The following PERP variants were observed in gnomAD, a reference collection of about 807,000 sequenced individuals.
PERP encodes the protein p53 apoptosis effector related to PMP-22.
A neutral mutation model predicts 20.3 loss-of-function variants in PERP; 11 were observed. The ratio of observed to expected loss-of-function variants is 0.54; its 90% confidence interval spans 0.34 to 0.90. The LOEUF (loss-of-function observed/expected upper bound fraction) is 0.90, where lower values mean the gene tolerates loss of function less well. Among genes scored for constraint, PERP ranks in the 40% least tolerant of loss-of-function variants. The pLI is 0.02. For missense variants in PERP, 224 were observed against 249.4 expected, an observed-to-expected ratio of 0.90 and a Z score of 0.69; for synonymous variants, 101 against 102.0, an observed-to-expected ratio of 0.99 and a Z score of 0.06.
intron 2 of PERP, 33 bp downstream of exon 2, chr6:138,096,321 C>T (rs1256986736): frequency 1.2e-6 from 2 of 1,610,972 alleles, no homozygotes; most frequent in Admixed American, 1.7e-5. Context: ...CCACTGAAGG[C>T]ATAAATGAAG....
intron 1 of PERP, among the ~76,000 whole-genome samples, chr6:138,098,566 G>C (rs375311678): frequency 2.6e-5 from 4 of 151,948 alleles, no homozygotes; most frequent in East Asian, 3.9e-4. Context: ...TTCTACATTC[G>C]CAAGGTTCTG....
At chr6:138,097,861 G>A (rs764938316) in intron 1 of PERP, among the ~76,000 whole-genome samples, 17 of 151,852 alleles carry the variant, frequency 1.1e-4, no homozygotes, top group East Asian at 5.8e-4. Context: ...TATTTTTATC[G>A]CCCCGCAAAG....
At chr6:138,100,139 C>T (rs1775749853) in intron 1 of PERP, among the ~76,000 whole-genome samples, 1 of 152,172 alleles carries the variant, frequency 6.6e-6, no homozygotes, top group Admixed American at 6.5e-5. Flanking sequence ...CCATTTAGAC[C>T]ATACCAGGTC....
intron 1 of PERP, among the ~76,000 whole-genome samples, chr6:138,103,991 TC>T (rs1775809944): frequency 6.6e-6 from 1 of 152,202 alleles, no homozygotes; most frequent in Non-Finnish European, 1.5e-5. Context: ...CAGTTTGGAT[TC>T]AAGGCAAATG....
intron 2 of PERP, among the ~76,000 whole-genome samples, chr6:138,094,299 C>T (rs919148938): frequency 6.6e-6 from 1 of 151,956 alleles, no homozygotes; most frequent in African/African-American, 2.4e-5. Flanking sequence ...CCCCATTCTT[C>T]CCTCCCCCCA....
intron 1 of PERP, among the ~76,000 whole-genome samples, chr6:138,104,941 A>T (rs1003392961): frequency 3.3e-5 from 5 of 150,842 alleles, no homozygotes; most frequent in Non-Finnish European, 7.3e-5. Context: ...GTCGTTATAC[A>T]CAGCTTCTAC....
intron 1 of PERP, among the ~76,000 whole-genome samples, chr6:138,102,387 C>G (rs992219202): frequency 1.3e-5 from 2 of 152,192 alleles, no homozygotes; most frequent in African/African-American, 4.8e-5. Context: ...AGGAATTACA[C>G]AGCTCTGTCA....
At position 138,092,103 on chromosome 6, in the gene PERP, G is replaced by A. The variant is rs75183345; in HGVS notation, c.521C>T (p.Pro174Leu). ...GCCCAGAAGGTCATCTTCGTAGTTG[G>A]GGAGGCAGCAGAAGAAGAAGGCACA... ...IGCAFFFCCL[P>L]NYEDDLLGNA... is the part of the protein sequence containing the mutation. The change falls in exon 3 of 3, where the codon CCC (proline) becomes CTC (leucine). Residue 174 changes from proline to leucine, a missense_variant. Transcript: ENST00000421351. The A allele has an allele frequency of 8.1e-4, 1,307 of 1,614,110 alleles. 15 individuals carry two copies. The East Asian group carries it at 0.023, about 28-fold the overall frequency.
At chr6:138,106,199 G>A (rs1775838329) in intron 1 of PERP, among the ~76,000 whole-genome samples, 1 of 152,156 alleles carries the variant, frequency 6.6e-6, no homozygotes, top group Non-Finnish European at 1.5e-5. Flanking sequence ...TTGGCTTTAA[G>A]GTTTTATTAG....
At chr6:138,105,099 G>A (rs1234520096) in intron 1 of PERP, among the ~76,000 whole-genome samples, 1 of 152,194 alleles carries the variant, frequency 6.6e-6, no homozygotes, top group East Asian at 1.9e-4. Context: ...GCGGATCCCA[G>A]ATTCATGATT....
intron 2 of PERP, 65 bp downstream of exon 2, chr6:138,096,289 T>G: frequency 1.3e-6 from 2 of 1,568,470 alleles, no homozygotes; most frequent in Non-Finnish European, 1.7e-6. Context: ...CTTTGTGGAA[T>G]TGACCATTAC....
Position 138,107,383 on chromosome 6 carries a change from G to A in PERP, c.-43C>T, listed in dbSNP as rs750054571. 8 of 1,429,614 alleles carry A rather than the reference G, an allele frequency of 5.6e-6. No homozygotes were observed. Among genetic ancestry groups the A allele is most frequent in the African/African-American group, 4.5e-5 (3 of 66,632 alleles). 88.6% of individuals were successfully genotyped at this position (1,429,614 alleles called of 1,614,324 possible). On this transcript the variant is annotated 5_prime_UTR_variant, in exon 1 of 3. Coordinates refer to ENST00000421351, the MANE Select transcript of PERP (RefSeq NM_022121.5). The surrounding 1 kb of genome is among the most constrained non-coding windows in gnomAD (Gnocchi z 4.8). ...GGCCGAGCGGAGCGGAGCGGAGCGG[G>A]TCGGAGGAGCGCGCGGGACGGGCGA...
intron 1 of PERP, among the ~76,000 whole-genome samples, chr6:138,099,436 G>T (rs1556639): frequency 6.6e-6 from 1 of 151,796 alleles, no homozygotes; most frequent in African/African-American, 2.4e-5. Flanking sequence ...TATGAGTTCA[G>T]AAGTTTGAAA....
In PERP at chr6:138,088,939, TA is replaced by T. The variant is rs1775535207; in HGVS notation, c.*3102del. The T allele has an allele frequency of 2.0e-5, 3 of 152,222 alleles. No homozygotes were observed. Among genetic ancestry groups the T allele is most frequent in the Admixed American group, 2.0e-4 (3 of 15,282 alleles). 9.4% of individuals were successfully genotyped at this position (152,222 alleles called of 1,614,324 possible). A position where few individuals can be genotyped will look rare whatever the true frequency, so the allele number is the denominator to read the frequency against. Reference sequence around the variant, plus strand: ...CAGGAAGAGTGAGGAAGAGGGAATTTAAAAGAGGAAGTTGGGACTGAATCTA... The same window carrying T: ...CAGGAAGAGTGAGGAAGAGGGAATTTAAAGAGGAAGTTGGGACTGAATCTA... On this transcript the variant is annotated 3_prime_UTR_variant, in exon 3 of 3. Transcript: ENST00000421351.
At chr6:138,097,883 C>T (rs959219675) in intron 1 of PERP, among the ~76,000 whole-genome samples, 47 of 152,312 alleles carry the variant, frequency 3.1e-4, no homozygotes, top group African/African-American at 1.1e-3. Context: ...AACCCCGTGC[C>T]CATTAGCAGT....
At chr6:138,099,040 C>T (rs539290965) in intron 1 of PERP, among the ~76,000 whole-genome samples, 13 of 152,314 alleles carry the variant, frequency 8.5e-5, no homozygotes, top group African/African-American at 2.9e-4. Context: ...AGGGACCATG[C>T]TTTGGAAAGA....
At chr6:138,098,717 G>A (rs980284233) in intron 1 of PERP, among the ~76,000 whole-genome samples, 3 of 152,106 alleles carry the variant, frequency 2.0e-5, no homozygotes, top group African/African-American at 7.2e-5. Flanking sequence ...ATTCATGAGT[G>A]ACTGGGGCAC....
In PERP at chr6:138,095,061, T is replaced by C. The variant is rs868511813; in HGVS notation, c.355+1293A>G. On this transcript the variant is annotated intron_variant, in intron 2 of 2. Coordinates refer to ENST00000421351, the MANE Select transcript of PERP (RefSeq NM_022121.5). ...TAATGGTGATTTAAACTGGCATCTA[T>C]GGAGTTTTCTACGACACATGAAAGG... Among the ~76,000 whole-genome samples, 9 of 152,294 alleles carry C rather than the reference T, an allele frequency of 5.9e-5. No individual in the cohort carries two copies. The Middle Eastern group carries it at 0.014, about 230-fold the overall frequency.
chr6:138,092,420 G>A (rs1775603209), intron 2 of PERP, 152 bp from the exon 3 acceptor site: 2 of 697,642 alleles, frequency 2.9e-6, no homozygotes, highest in Non-Finnish European at 2.4e-6. Context: ...GTTAGGCAGA[G>A]GCCAAAAAAG....
Sources: allele counts gnomAD v4.1 joint callset (sites outside exome capture counted in the v4.1 genomes callset), GRCh38; gene constraint gnomAD v4.1.1; non-coding constraint Gnocchi (gnomAD v3.1); transcripts MANE v1.5; gene names NCBI Gene and HGNC (gene_info 2026-07-23, HGNC 2026-07-21).